PTPRD: variants seen among roughly 807,000 people sequenced by gnomAD.
PTPRD encodes protein tyrosine phosphatase receptor type D.
In PTPRD, 34 loss-of-function variants were observed where a neutral mutation model predicts 214.5. The observed-to-expected ratio is 0.16, with a 90% CI of 0.12 to 0.21. The LOEUF (loss-of-function observed/expected upper bound fraction) is 0.21, where lower values mean the gene tolerates loss of function less well. Among genes scored for constraint, PTPRD ranks in the 10% least tolerant of loss-of-function variants. PTPRD has a pLI of 1.00. For synonymous variants in PTPRD, 1,128 were observed against 845.7 expected (o/e 1.33, Z -5.79); for missense variants, 2,545 against 2,398.7 (o/e 1.06, Z -1.27).
chr9:9,638,394 C>G (rs1235699300), intron 7 of PTPRD, among the ~76,000 whole-genome samples: 1 of 152,176 alleles, frequency 6.6e-6, no homozygotes, highest in Non-Finnish European at 1.5e-5. Context: ...TATAATTCAT[C>G]AAAGTTCTTT....
intron 2 of PTPRD, among the ~76,000 whole-genome samples, chr9:10,418,446 T>TACACACACAC (rs3076350): frequency 1.7e-4 from 21 of 124,734 alleles, no homozygotes; most frequent in South Asian, 2.9e-4. Context: ...CCTTCCCCTC[T>TACACACACAC]ACACACACAC....
intron 3 of PTPRD, among the ~76,000 whole-genome samples, chr9:10,299,377 G>A (rs1273891723): frequency 6.6e-6 from 1 of 152,070 alleles, no homozygotes; most frequent in African/African-American, 2.4e-5. Context: ...TTCCCTGGAA[G>A]GCAAGGGACT....
chr9:9,960,256 C>T (rs1240442562), intron 4 of PTPRD, among the ~76,000 whole-genome samples: 1 of 150,724 alleles, frequency 6.6e-6, no homozygotes, highest in Non-Finnish European at 1.5e-5. Context: ...CAAAGGAGCC[C>T]AGGAGCAACT....
At chr9:8,865,595 T>C (rs1041711000) in intron 11 of PTPRD, among the ~76,000 whole-genome samples, 21 of 152,138 alleles carry the variant, frequency 1.4e-4, no homozygotes, top group Non-Finnish European at 7.3e-5. Context: ...TCTGTATTTT[T>C]ATTGTGTATA....
intron 5 of PTPRD, among the ~76,000 whole-genome samples, chr9:9,777,470 G>A (rs1206990707): frequency 6.6e-6 from 1 of 152,106 alleles, no homozygotes; most frequent in African/African-American, 2.4e-5. Context: ...CGAGGTAGGT[G>A]GATCACTTGA....
chr9:9,485,422 T>A (rs2095586843), intron 8 of PTPRD, among the ~76,000 whole-genome samples: 1 of 152,214 alleles, frequency 6.6e-6, no homozygotes, highest in African/African-American at 2.4e-5. Flanking sequence ...CACCTCTACT[T>A]ATCTGTATCA....
intron 10 of PTPRD, among the ~76,000 whole-genome samples, chr9:9,038,705 C>G (rs926452340): frequency 6.6e-6 from 1 of 152,036 alleles, no homozygotes; most frequent in African/African-American, 2.4e-5. Context: ...CAGATGCCTA[C>G]CACCACGCCC....
intron 3 of PTPRD, among the ~76,000 whole-genome samples, chr9:10,097,457 C>A (rs1036698428): frequency 6.6e-6 from 1 of 151,078 alleles, no homozygotes; most frequent in Non-Finnish European, 1.5e-5. Flanking sequence ...CCTTCACATC[C>A]CTTGTAAGTT....
chr9:8,386,880 T>G (rs1181547731), intron 37 of PTPRD, among the ~76,000 whole-genome samples: 3 of 152,142 alleles, frequency 2.0e-5, no homozygotes, highest in African/African-American at 7.2e-5. Flanking sequence ...GAAGAGCAGA[T>G]GAAATAATAT....
At chr9:10,414,987 T>A (rs1483479030) in intron 2 of PTPRD, among the ~76,000 whole-genome samples, 1 of 151,750 alleles carries the variant, frequency 6.6e-6, no homozygotes, top group Admixed American at 6.6e-5. Context: ...TTACTAGGTT[T>A]AATATCTAGT....
At chr9:10,234,645 G>C (rs1460967941) in intron 3 of PTPRD, among the ~76,000 whole-genome samples, 6 of 151,818 alleles carry the variant, frequency 4.0e-5, no homozygotes, top group African/African-American at 1.2e-4. Flanking sequence ...AAATTTCAAA[G>C]CTATAAAAGT....
At position 10,459,447 on chromosome 9, in the gene PTPRD, C is replaced by A. The variant is rs142994311; in HGVS notation, c.-599-118430G>T. 1.3e-3 allele frequency among the ~76,000 whole-genome samples: 197 copies of A among 152,248 alleles called. 1 individual carries two copies. The East Asian group carries it at 0.034, about 26-fold the overall frequency. On this transcript the variant is annotated intron_variant, in intron 2 of 45. Transcript: ENST00000381196. ...GGGATTGCTGGGTCAAATGGTATTA[C>A]TGGTTCTAGATCCTTGAGGAATCAC...
chr9:9,673,187 A>G, intron 7 of PTPRD, among the ~76,000 whole-genome samples: 1 of 151,894 alleles, frequency 6.6e-6, no homozygotes, highest in East Asian at 1.9e-4. Flanking sequence ...ATCTTTAAGA[A>G]TTTTTAAAAC....
chr9:8,404,667 A>G lies in PTPRD; in HGVS notation c.4087-7T>C, dbSNP rs1473007859. 11 of 1,607,588 alleles carry G rather than the reference A, an allele frequency of 6.8e-6. No homozygotes were observed. The highest frequency in any genetic ancestry group is 9.4e-6 in the Non-Finnish European group (11 of 1,175,086). ...GCTGGCCAGGGTCAATTGACTTTAA[A>G]AGGAAAACAACACATATACACAAAA... On this transcript the variant is annotated splice_polypyrimidine_tract_variant and splice_region_variant and intron_variant, in intron 35 of 45. Transcript: ENST00000381196.
At chr9:9,722,903 G>C (rs1313363244) in intron 7 of PTPRD, among the ~76,000 whole-genome samples, 1 of 151,944 alleles carries the variant, frequency 6.6e-6, no homozygotes, top group Non-Finnish European at 1.5e-5. Context: ...GTCTTTTTAT[G>C]TTTGAGTTGA....
intron 9 of PTPRD, among the ~76,000 whole-genome samples, chr9:9,344,072 A>G (rs1325171703): frequency 1.3e-5 from 2 of 152,168 alleles, no homozygotes; most frequent in African/African-American, 4.8e-5. Context: ...ACATCTCTCA[A>G]TTACACAAAT....
chr9:8,624,581 T>A (rs2095949491), intron 14 of PTPRD, among the ~76,000 whole-genome samples: 1 of 151,868 alleles, frequency 6.6e-6, no homozygotes, highest in Non-Finnish European at 1.5e-5. Flanking sequence ...GAAATTAACA[T>A]TCTTTGGCAA....
At position 9,983,204 on chromosome 9, in the gene PTPRD, C is replaced by A. The variant is rs111772345; in HGVS notation, c.-471-44594G>T. On this transcript the variant is annotated intron_variant, in intron 4 of 45. Coordinates refer to ENST00000381196, the MANE Select transcript of PTPRD (RefSeq NM_002839.4). ...AAAGAGGACCTTGATTTTGCTAGTG[C>A]TGGTAGCAGCAGAGGTAGCCCCATT... Among the ~76,000 whole-genome samples, 6 of 152,274 alleles carry A rather than the reference C, an allele frequency of 3.9e-5. No individual in the cohort carries two copies. In the East Asian group the frequency reaches 1.2e-3, roughly 29 times the overall value.
chr9:8,391,660 C>T (rs1053089771), intron 36 of PTPRD, among the ~76,000 whole-genome samples: 1 of 152,156 alleles, frequency 6.6e-6, no homozygotes, highest in Non-Finnish European at 1.5e-5. Flanking sequence ...AGGATTCTGG[C>T]TAAGGGCCTC....
Sources: allele counts gnomAD v4.1 joint callset (sites outside exome capture counted in the v4.1 genomes callset), GRCh38; gene constraint gnomAD v4.1.1; transcripts MANE v1.5; gene names NCBI Gene and HGNC (gene_info 2026-07-23, HGNC 2026-07-21).